ARHGEF11: variants seen among roughly 807,000 people sequenced by gnomAD.
ARHGEF11 encodes the protein Rho guanine exchange factor (GEF) 11.
A neutral mutation model predicts 193.7 loss-of-function variants in ARHGEF11; 55 were observed. The ratio of observed to expected loss-of-function variants is 0.28; its 90% CI spans 0.23 to 0.36. The LOEUF is 0.36. Among genes scored for constraint, ARHGEF11 ranks in the 10% least tolerant of loss-of-function variants. The pLI is 1.00. For missense variants in ARHGEF11, 1,723 were observed against 2,005.6 expected, an observed-to-expected ratio of 0.86 and a Z score of 2.69; for synonymous variants, 693 against 768.0, an observed-to-expected ratio of 0.90 and a Z score of 1.62.
At chr1:156,946,223 G>A in intron 28 of ARHGEF11, 61 bp from the exon 29 acceptor site, 1 of 1,424,114 alleles carries the variant, frequency 7.0e-7, no homozygotes, top group Non-Finnish European at 9.8e-7. Flanking sequence ...TGGCTTATGG[G>A]CTCAGGGCCA....
intron 1 of ARHGEF11, among the ~76,000 whole-genome samples, chr1:157,027,832 G>GC (rs1460032849): frequency 6.6e-6 from 1 of 152,140 alleles, no homozygotes; most frequent in Non-Finnish European, 1.5e-5. Context: ...TGCGATGCTT[G>GC]CTCTGAGAGC....
At position 156,951,619 on chromosome 1, in the gene ARHGEF11, G is replaced by A. The variant is rs1326426735; in HGVS notation, c.1879C>T (p.Arg627Ter). 3 of 1,614,056 alleles carry A rather than the reference G, an allele frequency of 1.9e-6. No individual in the cohort carries two copies. Among genetic ancestry groups the A allele is most frequent in the African/African-American group, 1.3e-5 (1 of 74,918 alleles). The change falls in exon 22 of 41, where the codon CGA (arginine) becomes TGA (stop). Residue 627 changes from arginine (R) to a stop codon, truncating the protein, a stop_gained. Coordinates refer to ENST00000368194, the MANE Select transcript of ARHGEF11 (RefSeq NM_198236.3). LOFTEE classifies it high-confidence loss of function. The stretch of plus-strand genomic sequence containing the variant: ...TCAGGAAAGCTTCCGGTCGAGAGTC[G>A]TTGTGTCCCAGGTTCTGGGGCATCA... ...QYDAPEPGTQ[R>*]LSTGSFPEDL...
At chr1:157,034,016 A>G (rs1303024976) in intron 1 of ARHGEF11, among the ~76,000 whole-genome samples, 1 of 152,210 alleles carries the variant, frequency 6.6e-6, no homozygotes, top group African/African-American at 2.4e-5. Context: ...TAGCACTACG[A>G]TAAGTGAAGA....
chr1:156,987,075 G>C (rs2102494974), intron 1 of ARHGEF11, among the ~76,000 whole-genome samples: 1 of 152,302 alleles, frequency 6.6e-6, no homozygotes, highest in Non-Finnish European at 1.5e-5. Flanking sequence ...GACCCTCACA[G>C]GAATAGAAGA....
At chr1:156,994,198 G>C (rs1047565235) in intron 1 of ARHGEF11, among the ~76,000 whole-genome samples, 2 of 152,174 alleles carry the variant, frequency 1.3e-5, no homozygotes, top group Non-Finnish European at 2.9e-5. Flanking sequence ...CAGGGACCAT[G>C]TCTTATTCAT....
Position 156,935,413 on chromosome 1 carries a change from G to C in ARHGEF11, c.*587C>G, listed in dbSNP as rs912626297. The C allele has an allele frequency of 2.0e-5, 3 of 152,230 alleles. No individual in the cohort carries two copies. The highest frequency in any genetic ancestry group is 4.4e-5 in the Non-Finnish European group (3 of 68,068). The allele number at this position is 152,230 out of a possible 1,614,324, so 9.4% of individuals were successfully genotyped here. On this transcript the variant is annotated 3_prime_UTR_variant, in exon 41 of 41. Transcript: ENST00000368194. ...CTGGAACTGGGTTGTTAACTAAGGA[G>C]ATACAAGTGAAACCCCTCTTCCCTA...
At chr1:156,942,571 C>T (rs1657244429) in intron 33 of ARHGEF11, 119 bp downstream of exon 33, 1 of 862,262 alleles carries the variant, frequency 1.2e-6, no homozygotes, top group Non-Finnish European at 1.8e-6. Flanking sequence ...TCCTTCCCAA[C>T]CCCTTGTCCA....
intron 28 of ARHGEF11, 115 bp downstream of exon 28, chr1:156,946,547 G>A: frequency 7.0e-7 from 1 of 1,428,386 alleles, no homozygotes; most frequent in Non-Finnish European, 9.7e-7. Flanking sequence ...GTGTGTCGAA[G>A]GGTAGAGGGA....
chr1:157,036,218 T>TATAC (rs1553236277), intron 1 of ARHGEF11, among the ~76,000 whole-genome samples: 2 of 147,356 alleles, frequency 1.4e-5, no homozygotes, highest in East Asian at 3.9e-4. Flanking sequence ...TATATATATA[T>TATAC]GGCTGATTAA....
intron 10 of ARHGEF11, among the ~76,000 whole-genome samples, chr1:156,968,917 A>G (rs80093882): frequency 1.3e-5 from 2 of 152,322 alleles, no homozygotes; most frequent in Non-Finnish European, 2.9e-5. Flanking sequence ...TTAATCTAAG[A>G]CGATGTTATT....
Position 156,997,544 on chromosome 1 carries a change from C to A in ARHGEF11, c.33-11371G>T, listed in dbSNP as rs16837936. Among the ~76,000 whole-genome samples, 928 of 152,184 alleles carry A rather than the reference C, an allele frequency of 6.1e-3. 9 individuals are homozygous for A. Among genetic ancestry groups the A allele is most frequent in the African/African-American group, 0.021 (862 of 41,514 alleles). ...GAGCAGATGTGCACCTGAAAGACAG[C>A]GATGCGTGGAATGCACTAGAAAGCA... is the stretch of plus-strand genomic sequence containing the variant. On this transcript the variant is annotated intron_variant, in intron 1 of 40. Coordinates refer to ENST00000368194, the MANE Select transcript of ARHGEF11 (RefSeq NM_198236.3).
intron 40 of ARHGEF11, among the ~76,000 whole-genome samples, chr1:156,936,565 C>T (rs60859834): frequency 0.01 from 1,448 of 142,892 alleles, 13 homozygotes; most frequent in African/African-American, 0.022. Flanking sequence ...TGAGAACAGG[C>T]TCCTCCTGGT....
chr1:157,026,707 T>C (rs996060503), intron 1 of ARHGEF11, among the ~76,000 whole-genome samples: 12 of 152,232 alleles, frequency 7.9e-5, no homozygotes, highest in Non-Finnish European at 5.9e-5. Context: ...GAGCCTCAGC[T>C]TTCTCACTAT....
At chr1:157,035,789 T>C (rs976761506) in intron 1 of ARHGEF11, among the ~76,000 whole-genome samples, 121 of 119,448 alleles carry the variant, frequency 1.0e-3, no homozygotes, top group Non-Finnish European at 1.4e-3. Context: ...TATATATATA[T>C]AGGAATATAT....
rs776044321 is a variant in ARHGEF11 at position 156,948,489 on chromosome 1, T to C, written c.1935A>G (p.Ser645=). The change falls in exon 23 of 41, where the codon TCA becomes TCG. Residue 645 remains serine, a synonymous_variant. Transcript: ENST00000368194. The surrounding 1 kb of genome is among the most constrained non-coding windows in gnomAD (Gnocchi z 4.2). ...TTTCAGAGCGGCCCAGGCGAATCTC[T>C]GAGCGTGAACTGGGGGGAAGGGACA... ...EDLLESDSSR[S]EIRLGRSESL... is the part of the protein sequence containing the mutation. 3 of 1,614,198 alleles carry C rather than the reference T, an allele frequency of 1.9e-6. No individual in the cohort carries two copies. Among genetic ancestry groups the C allele is most frequent in the Non-Finnish European group, 1.7e-6 (2 of 1,180,028 alleles).
chr1:156,969,767 G>C (rs1244997440), intron 9 of ARHGEF11, among the ~76,000 whole-genome samples: 1 of 152,158 alleles, frequency 6.6e-6, no homozygotes, highest in South Asian at 2.1e-4. Context: ...ACTCATTCTG[G>C]TATCTTACTA....
chr1:156,937,819 G>A (rs770971507), intron 38 of ARHGEF11, among the ~76,000 whole-genome samples: 1 of 152,216 alleles, frequency 6.6e-6, no homozygotes, highest in Non-Finnish European at 1.5e-5. Context: ...CAGATTGTGA[G>A]CTGGTTTCAG....
intron 1 of ARHGEF11, among the ~76,000 whole-genome samples, chr1:157,002,560 T>C (rs1306021803): frequency 6.6e-6 from 1 of 152,190 alleles, no homozygotes; most frequent in Non-Finnish European, 1.5e-5. Context: ...CTACTGCATT[T>C]TGAGTCCATA....
intron 1 of ARHGEF11, among the ~76,000 whole-genome samples, chr1:157,011,349 A>G (rs1668516299): frequency 6.6e-6 from 1 of 152,226 alleles, no homozygotes; most frequent in African/African-American, 2.4e-5. Flanking sequence ...AATTAACTCA[A>G]AATGGATCAC....
Sources: gnomAD v4.1 joint callset for allele counts (sites outside exome capture counted in the v4.1 genomes callset) on GRCh38, gnomAD v4.1.1 for gene constraint, Gnocchi (gnomAD v3.1) non-coding constraint, MANE v1.5 for transcripts, NCBI Gene and HGNC (gene_info 2026-07-23, HGNC 2026-07-21) for gene names.